RP1L1: variants seen among roughly 807,000 people sequenced by gnomAD.
RP1L1 encodes retinitis pigmentosa 1-like 1 protein.
RP1L1 carries 27 observed loss-of-function variants against 15.7 expected under a neutral mutation model. The observed-to-expected ratio is 1.72, with a 90% CI of 1.27 to 2.38. The LOEUF is 2.38. RP1L1 is among the 30% of genes most tolerant of loss of function. The probability of loss-of-function intolerance (pLI) is 0.00; values close to 1 mark genes in which losing one functional copy is unlikely to be tolerated. For missense variants in RP1L1, 4,798 were observed against 3,075.9 expected, an observed-to-expected ratio of 1.56 and a Z score of -13.24; for synonymous variants, 1,813 against 1,276.7, an observed-to-expected ratio of 1.42 and a Z score of -8.96.
At position 10,611,058 on chromosome 8, in the gene RP1L1, G is replaced by A. The variant is rs1312033080; in HGVS notation, c.3040C>T (p.Leu1014=). 1.2e-6 allele frequency: 2 copies of A among 1,612,684 alleles called. No individual in the cohort carries two copies. The highest frequency in any genetic ancestry group is 3.3e-5 in the Admixed American group (2 of 60,004). Residue 1014 remains leucine, a synonymous_variant, in exon 4 of 4, where the codon CTG becomes TTG. Coordinates refer to ENST00000382483, the MANE Select transcript of RP1L1 (RefSeq NM_178857.6). ...GGGTCCTGGCCGGGGTCCCCTTCCA[G>A]GGACTGCTGTCCCGCCTGAGCTGGC... The part of the protein sequence containing the change: ...GEPAQAGQQS[L]EGDPGQDPEP...
chr8:10,653,634 C>T (rs1563143925), intron 1 of RP1L1, among the ~76,000 whole-genome samples: 1 of 148,746 alleles, frequency 6.7e-6, no homozygotes, highest in African/African-American at 2.5e-5. Flanking sequence ...CATACACACT[C>T]ATGTGCACAC....
In RP1L1 at chr8:10,610,353, C is replaced by A; in HGVS notation, c.3745G>T (p.Asp1249Tyr). The A allele has an allele frequency of 6.2e-7, 1 of 1,614,122 alleles. No homozygotes were observed. Among genetic ancestry groups the A allele is most frequent in the Non-Finnish European group, 8.5e-7 (1 of 1,180,036 alleles). ...CAACACTGCTGTTGGTTTTCCAGAT[C>A]CCCTGGGCTCTCATAAGTTCTTGAA... The part of the protein sequence containing the change: ...PDSRTYESPG[D>Y]LENQQQCCFP... The change falls in exon 4 of 4, where the codon GAT becomes TAT. Residue 1249 changes from aspartate to tyrosine, a missense_variant. Asp to Tyr is a radical substitution (Grantham distance 160, BLOSUM62 -3). Transcript: ENST00000382483.
intron 2 of RP1L1, among the ~76,000 whole-genome samples, chr8:10,622,330 A>G (rs149252462): frequency 6.9e-6 from 1 of 145,976 alleles, no homozygotes; most frequent in Non-Finnish European, 1.5e-5. Context: ...CGAAAAAAAC[A>G]AAGCCAAAAA....
chr8:10,614,681 A>G (rs1476402461), intron 3 of RP1L1, among the ~76,000 whole-genome samples: 1 of 146,888 alleles, frequency 6.8e-6, no homozygotes, highest in Non-Finnish European at 1.5e-5. Context: ...AAAAAAAAAG[A>G]AAAGAAAAAA....
At chr8:10,630,416 G>T (rs1053988505) in intron 1 of RP1L1, among the ~76,000 whole-genome samples, 5 of 152,242 alleles carry the variant, frequency 3.3e-5, no homozygotes, top group Admixed American at 6.5e-5. Context: ...GGGAGGAAGG[G>T]ATGGCAGAGA....
chr8:10,631,780 C>G (rs1798256724), intron 1 of RP1L1, among the ~76,000 whole-genome samples: 2 of 152,220 alleles, frequency 1.3e-5, no homozygotes, highest in Admixed American at 6.5e-5. Flanking sequence ...CAGCCCACCC[C>G]TGAACAGACG....
chr8:10,641,697 C>T (rs1278961813), intron 1 of RP1L1, among the ~76,000 whole-genome samples: 1 of 152,180 alleles, frequency 6.6e-6, no homozygotes, highest in Non-Finnish European at 1.5e-5. Flanking sequence ...TAAGTTCACA[C>T]AAAAACTTGT....
intron 1 of RP1L1, among the ~76,000 whole-genome samples, chr8:10,632,848 A>G (rs1392705901): frequency 6.6e-6 from 1 of 152,228 alleles, no homozygotes; most frequent in Non-Finnish European, 1.5e-5. Context: ...TGGCTCTGAC[A>G]CAACTCAGAG....
In RP1L1 at chr8:10,608,892, G is replaced by C. The variant is rs753101871; in HGVS notation, c.5206C>G (p.Gln1736Glu). ...AEGGLGPGLS[Q>E]GPGVDEGEDG... Reference sequence around the variant, plus strand: ...TCACCCTCGTCCACTCCAGGCCCCTGGCTCAGCCCCGGCCCCAGCCCTCCC... The same window carrying C: ...TCACCCTCGTCCACTCCAGGCCCCTCGCTCAGCCCCGGCCCCAGCCCTCCC... The change falls in exon 4 of 4, where the codon CAG becomes GAG. Residue 1736 changes from glutamine (Q) to glutamate (E), a missense_variant. Coordinates refer to ENST00000382483, the MANE Select transcript of RP1L1 (RefSeq NM_178857.6). The C allele has an allele frequency of 1.2e-6, 2 of 1,614,004 alleles. No homozygotes were observed. The highest frequency in any genetic ancestry group is 1.7e-6 in the Non-Finnish European group (2 of 1,180,032).
At chr8:10,631,405 A>G (rs7460503) in intron 1 of RP1L1, among the ~76,000 whole-genome samples, 29,312 of 133,572 alleles carry the variant, frequency 0.22, 3,590 homozygotes, top group Non-Finnish European at 0.28. Context: ...ACGCACACAC[A>G]CGCACACACG....
chr8:10,631,366 CACAT>C (rs1563135389), intron 1 of RP1L1, among the ~76,000 whole-genome samples: 1 of 66,884 alleles, frequency 1.5e-5, no homozygotes. Flanking sequence ...CACACAAACA[CACAT>C]GCACACAAAC....
At chr8:10,625,336 T>G (rs930327408) in intron 1 of RP1L1, among the ~76,000 whole-genome samples, 6 of 152,112 alleles carry the variant, frequency 3.9e-5, no homozygotes, top group African/African-American at 1.4e-4. Context: ...AGGCTCTTCC[T>G]CCAGTACCAC....
In RP1L1 at chr8:10,607,364, G is replaced by A. The variant is rs747116659; in HGVS notation, c.6734C>T (p.Thr2245Ile). The change falls in exon 4 of 4, where the codon ACT becomes ATT. Residue 2245 changes from threonine (T) to isoleucine (I), a missense_variant. Transcript: ENST00000382483. ...AGGGCTCCCCTTTTTCTCACCTTGA[G>A]TTTCTCCTTCTGACTCTGGCTGGGC... ...GEAQPESEGETQGEKKGSPQV... is the reference protein window; with the variant it reads ...GEAQPESEGEIQGEKKGSPQV... 1.9e-6 allele frequency: 3 copies of A among 1,614,034 alleles called. No individual in the cohort carries two copies. The highest frequency in any genetic ancestry group is 1.1e-5 in the South Asian group (1 of 91,064).
At position 10,645,538 on chromosome 8, in the gene RP1L1, G is replaced by T. The variant is rs561115847; in HGVS notation, c.-20+9360C>A. On this transcript the variant is annotated intron_variant, in intron 1 of 3. Coordinates refer to ENST00000382483, the MANE Select transcript of RP1L1 (RefSeq NM_178857.6). ...CAGATGTCCAATATCACTTTGTACA[G>T]CAGAGTCCAGCCCTCGGAGGGAGGA... Among the ~76,000 whole-genome samples the T allele has an allele frequency of 7.2e-5, 11 of 152,290 alleles. No individual in the cohort carries two copies. The East Asian group carries it at 1.9e-3, about 27-fold the overall frequency.
At chr8:10,623,484 A>T (rs963320490) in intron 1 of RP1L1, among the ~76,000 whole-genome samples, 1 of 151,700 alleles carries the variant, frequency 6.6e-6, no homozygotes, top group Non-Finnish European at 1.5e-5. Context: ...TTCCCACCAC[A>T]TGCCTTCAGA....
At chr8:10,635,506 C>T (rs1260438580) in intron 1 of RP1L1, among the ~76,000 whole-genome samples, 1 of 152,212 alleles carries the variant, frequency 6.6e-6, no homozygotes, top group Non-Finnish European at 1.5e-5. Flanking sequence ...CTCTACAAAT[C>T]CCTATGGAAT....
chr8:10,648,778 C>G (rs1321844694), intron 1 of RP1L1, among the ~76,000 whole-genome samples: 1 of 152,228 alleles, frequency 6.6e-6, no homozygotes. Flanking sequence ...GCTGGGAAAT[C>G]TCTTGGATTG....
intron 1 of RP1L1, among the ~76,000 whole-genome samples, chr8:10,625,598 G>A (rs1798144159): frequency 6.6e-6 from 1 of 152,178 alleles, no homozygotes; most frequent in Non-Finnish European, 1.5e-5. Context: ...CCTCATGACT[G>A]AGCGATAAAG....
chr8:10,618,553 A>G lies in RP1L1; in HGVS notation c.610-1966T>C, dbSNP rs555784555. ...AAACAAACAAAAAAATTAGCCAGGC[A>G]TAGTGGCATGTGCCTGTAGTCCCAG... is the stretch of plus-strand genomic sequence containing the variant. On this transcript the variant is annotated intron_variant, in intron 2 of 3. Coordinates refer to ENST00000382483, the MANE Select transcript of RP1L1 (RefSeq NM_178857.6). 6.2e-4 allele frequency among the ~76,000 whole-genome samples: 94 copies of G among 152,006 alleles called. 1 individual carries two copies. In the South Asian group the frequency reaches 0.018, roughly 29 times the overall value.
Sources: allele counts gnomAD v4.1 joint callset (sites outside exome capture counted in the v4.1 genomes callset), GRCh38; gene constraint gnomAD v4.1.1; transcripts MANE v1.5; gene names NCBI Gene and HGNC (gene_info 2026-07-23, HGNC 2026-07-21).